FGF14: variants seen among roughly 807,000 people sequenced by gnomAD.
FGF14 encodes fibroblast growth factor homologous factor 4.
FGF14 carries 5 observed loss-of-function variants against 25.5 expected under a neutral mutation model. The observed-to-expected ratio is 0.20, with a 90% CI of 0.10 to 0.41. The LOEUF is 0.41. Ranked by LOEUF, FGF14 falls within the 10% of genes least tolerant of loss-of-function variation. The probability of loss-of-function intolerance (pLI) is 1.00; values close to 1 mark genes in which losing one functional copy is unlikely to be tolerated. For synonymous variants in FGF14, 138 were observed against 118.3 expected (o/e 1.17, Z -1.08); for missense variants, 222 against 320.1 (o/e 0.69, Z 2.34).
At chr13:102,200,890 C>T (rs2049593256) in intron 1 of FGF14, among the ~76,000 whole-genome samples, 1 of 151,766 alleles carries the variant, frequency 6.6e-6, no homozygotes, top group Admixed American at 6.6e-5. Flanking sequence ...ATCATGAGGT[C>T]GGGAGATCGA....
chr13:102,250,522 T>C (rs184247113), intron 1 of FGF14, among the ~76,000 whole-genome samples: 1 of 151,948 alleles, frequency 6.6e-6, no homozygotes, highest in South Asian at 2.1e-4. Context: ...GTAGGCAAAG[T>C]GGAGTTGATT....
At chr13:102,065,836 T>C (rs1248672446) in intron 1 of FGF14, among the ~76,000 whole-genome samples, 4 of 152,074 alleles carry the variant, frequency 2.6e-5, no homozygotes, top group Non-Finnish European at 4.4e-5. Flanking sequence ...GTATATAAAA[T>C]ATAAAAGTCA....
intron 1 of FGF14, among the ~76,000 whole-genome samples, chr13:101,894,035 T>TC (rs552046719): frequency 9.0e-4 from 134 of 149,434 alleles, no homozygotes; most frequent in South Asian, 2.1e-3. Context: ...TTTTTTTTTT[T>TC]CACACTTTTT....
Position 102,359,872 on chromosome 13 carries a change from C to T in FGF14, c.208+41599G>A, listed in dbSNP as rs112650414. Among the ~76,000 whole-genome samples the T allele has an allele frequency of 8.6e-3, 1,285 of 149,562 alleles. 9 individuals are homozygous for T. The highest frequency in any genetic ancestry group is 0.021 in the Middle Eastern group (6 of 286). ...TTATGTTAAAAAAAAAAAAAACAGT[C>T]CAAGGGGAAAATAATTTGCTGTGTT... On this transcript the variant is annotated intron_variant, in intron 1 of 4. Transcript: ENST00000376131.
chr13:102,160,491 G>A (rs565020), intron 1 of FGF14, among the ~76,000 whole-genome samples: 19,916 of 152,000 alleles, frequency 0.13, 2,469 homozygotes, highest in East Asian at 0.49. Context: ...CCGACCCTTC[G>A]TCTCAGAGAA....
At chr13:101,993,075 G>A (rs2038990349) in intron 1 of FGF14, among the ~76,000 whole-genome samples, 1 of 151,468 alleles carries the variant, frequency 6.6e-6, no homozygotes, top group South Asian at 2.1e-4. Context: ...CTCAAAAGAA[G>A]CCACAGTGGG....
intron 3 of FGF14, among the ~76,000 whole-genome samples, chr13:101,782,056 A>G (rs1331249513): frequency 6.6e-6 from 1 of 152,138 alleles, no homozygotes; most frequent in East Asian, 1.9e-4. Flanking sequence ...TTGCATTTCT[A>G]TGACTGACCT....
At chr13:102,401,787 A>G, upstream of FGF14, 1 of 937,162 alleles carries the variant, frequency 1.1e-6, no homozygotes, top group South Asian at 1.4e-5. Flanking sequence ...TGAATGATTT[A>G]TCCCCCCTCG....
At chr13:102,293,871 T>C (rs1566909744) in intron 1 of FGF14, 1 of 152,184 alleles carries the variant, frequency 6.6e-6, no homozygotes, top group Admixed American at 6.5e-5. Flanking sequence ...ATTTTTGGCA[T>C]CAGCTGATGA....
chr13:102,356,490 A>G lies in FGF14; in HGVS notation c.208+44981T>C, dbSNP rs182778330. On this transcript the variant is annotated intron_variant, in intron 1 of 4. Coordinates refer to the FGF14 transcript ENST00000376131. ...AGGTTCATATGTCAGTCAACCACAT[A>G]GAGTACATTAAGCTTCCCCACCAAA... Among the ~76,000 whole-genome samples the G allele has an allele frequency of 5.3e-5, 8 of 152,364 alleles. No individual in the cohort carries two copies. In the East Asian group the frequency reaches 1.3e-3, roughly 26 times the overall value.
At chr13:102,207,492 A>G (rs940683879) in intron 1 of FGF14, among the ~76,000 whole-genome samples, 2 of 151,824 alleles carry the variant, frequency 1.3e-5, no homozygotes, top group Non-Finnish European at 2.9e-5. Context: ...AATTTTTTCA[A>G]AAAACAAATG....
intron 1 of FGF14, among the ~76,000 whole-genome samples, chr13:102,285,174 G>A (rs2054034325): frequency 6.6e-6 from 1 of 152,150 alleles, no homozygotes; most frequent in South Asian, 2.1e-4. Flanking sequence ...TAATACTCAT[G>A]AGTCCATAAT....
At chr13:101,989,753 T>C (rs2038793435) in intron 1 of FGF14, among the ~76,000 whole-genome samples, 1 of 152,154 alleles carries the variant, frequency 6.6e-6, no homozygotes, top group African/African-American at 2.4e-5. Context: ...AGCCTTCTGA[T>C]TTTCTCCACA....
chr13:101,808,315 T>A (rs959399567), intron 3 of FGF14, among the ~76,000 whole-genome samples: 4 of 152,082 alleles, frequency 2.6e-5, no homozygotes, highest in Admixed American at 2.6e-4. Flanking sequence ...CCTTTTCATC[T>A]TTTCTTTTCT....
intron 3 of FGF14, among the ~76,000 whole-genome samples, chr13:101,796,901 A>G (rs549829501): frequency 6.6e-6 from 1 of 151,998 alleles, no homozygotes; most frequent in African/African-American, 2.4e-5. Context: ...CTATTGCTCT[A>G]CTTTCTATGT....
intron 3 of FGF14, among the ~76,000 whole-genome samples, chr13:101,771,810 G>A (rs1361701760): frequency 2.0e-5 from 3 of 151,662 alleles, no homozygotes; most frequent in Admixed American, 6.6e-5. Flanking sequence ...AATGATTTTT[G>A]AAATAAAAAT....
At chr13:101,939,173 T>C (rs2035287380) in intron 1 of FGF14, among the ~76,000 whole-genome samples, 2 of 152,220 alleles carry the variant, frequency 1.3e-5, no homozygotes, top group African/African-American at 4.8e-5. Flanking sequence ...AAACCTATAT[T>C]GATCTCTAAC....
chr13:102,159,960 T>C (rs1037875482), intron 1 of FGF14, among the ~76,000 whole-genome samples: 1 of 152,192 alleles, frequency 6.6e-6, no homozygotes, highest in African/African-American at 2.4e-5. Context: ...TGTCAAATCC[T>C]TTTTTCCTGC....
intron 1 of FGF14, among the ~76,000 whole-genome samples, chr13:102,137,624 C>T (rs1356334491): frequency 6.6e-6 from 1 of 152,118 alleles, no homozygotes; most frequent in East Asian, 1.9e-4. Context: ...TTCTTGTTTA[C>T]TTTCCAGGCA....
Sources: gnomAD v4.1 joint callset for allele counts (sites outside exome capture counted in the v4.1 genomes callset) on GRCh38, gnomAD v4.1.1 for gene constraint, MANE v1.5 for transcripts, NCBI Gene and HGNC (gene_info 2026-07-23, HGNC 2026-07-21) for gene names.